The following MYO1E variants were observed in gnomAD, a reference collection of about 807,000 sequenced individuals.
MYO1E encodes unconventional myosin-Ie.
MYO1E carries 68 observed loss-of-function variants against 151.1 expected under a neutral mutation model. The observed-to-expected ratio is 0.45, with a 90% CI of 0.37 to 0.55. MYO1E has a LOEUF of 0.55. Ranked by LOEUF, MYO1E falls within the 20% of genes least tolerant of loss-of-function variation. MYO1E has a pLI of 0.00. For missense variants in MYO1E, 1,363 were observed against 1,389.3 expected, an observed-to-expected ratio of 0.98 and a Z score of 0.30; for synonymous variants, 601 against 501.7, an observed-to-expected ratio of 1.20 and a Z score of -2.64.
intron 1 of MYO1E, among the ~76,000 whole-genome samples, chr15:59,341,989 G>A (rs1213921266): frequency 2.6e-5 from 4 of 152,088 alleles, no homozygotes; most frequent in Non-Finnish European, 5.9e-5. Flanking sequence ...TCCACCAACG[G>A]TGTATGAGAG....
At chr15:59,146,958 G>C (rs985876722) in intron 26 of MYO1E, among the ~76,000 whole-genome samples, 20 of 151,954 alleles carry the variant, frequency 1.3e-4, no homozygotes, top group African/African-American at 4.8e-4. Flanking sequence ...TTTCTGAGTA[G>C]GGCAATCACA....
chr15:59,147,102 G>A (rs1263889300), intron 26 of MYO1E, among the ~76,000 whole-genome samples: 1 of 152,134 alleles, frequency 6.6e-6, no homozygotes, highest in African/African-American at 2.4e-5. Context: ...CTTGCCCCGA[G>A]ACATTTGGAT....
At chr15:59,162,766 T>C (rs1320544535) in intron 23 of MYO1E, among the ~76,000 whole-genome samples, 1 of 152,110 alleles carries the variant, frequency 6.6e-6, no homozygotes, top group Non-Finnish European at 1.5e-5. Context: ...TTATTATGCA[T>C]TGGTTTGGGG....
At chr15:59,245,286 T>C (rs1258697481) in intron 4 of MYO1E, among the ~76,000 whole-genome samples, 1 of 152,228 alleles carries the variant, frequency 6.6e-6, no homozygotes, top group Non-Finnish European at 1.5e-5. Context: ...GAGCCAAATA[T>C]GAGCGGCACT....
rs755258479 is a variant in MYO1E, at chr15:59,224,678, C to T, written c.777+11G>A. ...AGAGCAGATCCTGCCTGGCCCTGCG[C>T]CAGCACTTACCAGAGTTTCCTGAAA... On this transcript the variant is annotated intron_variant, in intron 8 of 27. Coordinates refer to ENST00000288235, the MANE Select transcript of MYO1E (RefSeq NM_004998.4). 4.3e-6 allele frequency: 7 copies of T among 1,614,142 alleles called. No individual in the cohort carries two copies. Among genetic ancestry groups the T allele is most frequent in the Non-Finnish European group, 5.9e-6 (7 of 1,180,012 alleles).
intron 5 of MYO1E, among the ~76,000 whole-genome samples, chr15:59,235,149 ATCTC>A (rs2080054713): frequency 6.6e-6 from 1 of 151,814 alleles, no homozygotes. Flanking sequence ...ACACTCTTTA[ATCTC>A]TCTTTTTTCC....
intron 5 of MYO1E, 39 bp downstream of exon 5, chr15:59,236,546 C>T (rs753769754): frequency 5.2e-6 from 8 of 1,530,882 alleles, no homozygotes; most frequent in Non-Finnish European, 7.2e-6. Context: ...TTACATTTCC[C>T]ATAACATAAG....
At chr15:59,226,524 G>C (rs1482001060) in intron 7 of MYO1E, among the ~76,000 whole-genome samples, 2 of 152,122 alleles carry the variant, frequency 1.3e-5, no homozygotes, top group African/African-American at 4.8e-5. Flanking sequence ...ACCTGAATCA[G>C]GGCCAGGTGC....
At chr15:59,260,885 G>C (rs150360201) in intron 3 of MYO1E, among the ~76,000 whole-genome samples, 2 of 152,050 alleles carry the variant, frequency 1.3e-5, no homozygotes, top group Admixed American at 6.6e-5. Context: ...TGCAAATAAG[G>C]CTCAAATATT....
At chr15:59,356,202 T>G (rs955784961) in intron 1 of MYO1E, among the ~76,000 whole-genome samples, 3 of 152,210 alleles carry the variant, frequency 2.0e-5, no homozygotes, top group Admixed American at 1.3e-4. Context: ...TGCTTTCTAC[T>G]GCCTTCCAGG....
chr15:59,351,581 A>G (rs143544533), intron 1 of MYO1E, among the ~76,000 whole-genome samples: 7 of 152,334 alleles, frequency 4.6e-5, no homozygotes, highest in Admixed American at 2.0e-4. Flanking sequence ...TTACTAGAAG[A>G]TGATTGCGCT....
At chr15:59,297,185 C>T (rs1389968864) in intron 1 of MYO1E, among the ~76,000 whole-genome samples, 2 of 151,774 alleles carry the variant, frequency 1.3e-5, no homozygotes, top group Non-Finnish European at 2.9e-5. Flanking sequence ...ACTTTTTATA[C>T]AAGTCAATAT....
chr15:59,207,382 C>T lies in MYO1E; in HGVS notation c.1530+1299G>A, dbSNP rs759880084. On this transcript the variant is annotated intron_variant, in intron 14 of 27. Transcript: ENST00000288235. ...CCTAGTGATTATCACAGCAGGTGCA[C>T]GCCAAGAAAAGGGAGAAACGCGCCT... 37 of 1,613,870 alleles carry T rather than the reference C, an allele frequency of 2.3e-5. No homozygotes were observed. Among genetic ancestry groups the T allele is most frequent in the East Asian group, 4.5e-5 (2 of 44,896 alleles).
chr15:59,259,707 T>A (rs1283101568), intron 3 of MYO1E, among the ~76,000 whole-genome samples: 1 of 152,260 alleles, frequency 6.6e-6, no homozygotes, highest in Non-Finnish European at 1.5e-5. Context: ...TGCTGAACTG[T>A]CATACTTGAC....
intron 1 of MYO1E, among the ~76,000 whole-genome samples, chr15:59,291,325 C>G (rs1245326073): frequency 6.6e-6 from 1 of 152,082 alleles, no homozygotes; most frequent in Non-Finnish European, 1.5e-5. Context: ...ACCTCCTAAT[C>G]AAATAACCAA....
intron 19 of MYO1E, among the ~76,000 whole-genome samples, chr15:59,176,111 T>G (rs1378194131): frequency 6.6e-6 from 1 of 152,054 alleles, no homozygotes; most frequent in Admixed American, 6.5e-5. Flanking sequence ...CAGGCTGGAG[T>G]GCAGTGGCGC....
chr15:59,320,476 A>AT (rs1490264211), intron 1 of MYO1E, among the ~76,000 whole-genome samples: 12 of 152,220 alleles, frequency 7.9e-5, no homozygotes, highest in Admixed American at 7.9e-4. Flanking sequence ...AAATAGACAC[A>AT]TTGACCAATA....
chr15:59,286,186 A>G (rs546464784), intron 1 of MYO1E, among the ~76,000 whole-genome samples: 2 of 152,360 alleles, frequency 1.3e-5, no homozygotes, highest in East Asian at 3.9e-4. Context: ...GGCAGAGTTG[A>G]TATCAACCTG....
chr15:59,244,428 C>T (rs1423303924), intron 4 of MYO1E, among the ~76,000 whole-genome samples: 1 of 152,204 alleles, frequency 6.6e-6, no homozygotes, highest in Non-Finnish European at 1.5e-5. Context: ...CCTCATTACA[C>T]TTTCTTTATA....
Sources: allele counts gnomAD v4.1 joint callset (sites outside exome capture counted in the v4.1 genomes callset), GRCh38; gene constraint gnomAD v4.1.1; transcripts MANE v1.5; gene names NCBI Gene and HGNC (gene_info 2026-07-23, HGNC 2026-07-21).